Variants in SHISA9 observed in about 807,000 individuals in gnomAD.
SHISA9 encodes the protein protein shisa-9.
Under a neutral mutation model 38.0 loss-of-function variants are expected in SHISA9, and 13 were observed. That is an observed-to-expected ratio of 0.34 (90% CI 0.22 to 0.54). The LOEUF (loss-of-function observed/expected upper bound fraction) is 0.54, where lower values mean the gene tolerates loss of function less well. Among genes scored for constraint, SHISA9 ranks in the 20% least tolerant of loss-of-function variants. The pLI is 0.91. For missense variants in SHISA9, 538 were observed against 575.8 expected, an observed-to-expected ratio of 0.93 and a Z score of 0.67; for synonymous variants, 275 against 242.0, an observed-to-expected ratio of 1.14 and a Z score of -1.27.
At chr16:13,441,146 G>T in the SHISA9 span, among the ~76,000 whole-genome samples, 2 of 152,142 alleles carry the variant, frequency 1.3e-5, no homozygotes, top group African/African-American at 4.8e-5. Context: ...AAAAATACAC[G>T]CAAACTGTGC....
chr16:13,445,146 G>A, the SHISA9 span, among the ~76,000 whole-genome samples: 29 of 151,704 alleles, frequency 1.9e-4, no homozygotes, highest in Admixed American at 1.7e-3. Flanking sequence ...ACAGGTGTGA[G>A]CCACTGCACT....
chr16:13,157,549 C>A (rs1233967140), intron 2 of SHISA9, among the ~76,000 whole-genome samples: 2 of 152,186 alleles, frequency 1.3e-5, no homozygotes, highest in Non-Finnish European at 2.9e-5. Context: ...GGAATTCATA[C>A]ATGGAAAGTA....
chr16:13,020,327 A>G (rs1033778936), intron 2 of SHISA9, among the ~76,000 whole-genome samples: 2 of 151,852 alleles, frequency 1.3e-5, no homozygotes, highest in African/African-American at 2.4e-5. Flanking sequence ...TGCCCAGCCC[A>G]TTAGTTGTTT....
intron 4 of SHISA9, among the ~76,000 whole-genome samples, chr16:13,225,657 C>G (rs1194385381): frequency 2.0e-5 from 3 of 152,108 alleles, no homozygotes; most frequent in African/African-American, 7.2e-5. Context: ...CCTAAGATAT[C>G]TTTGCCTCAA....
intron 2 of SHISA9, among the ~76,000 whole-genome samples, chr16:12,970,497 ATTTTTTTTTTTTTT>A (rs146879130): frequency 8.5e-4 from 15 of 17,584 alleles, no homozygotes; most frequent in South Asian, 3.0e-3. Context: ...ATATATATAT[ATTTTTTTTTTTTTT>A]TTTTTTTTTT....
the SHISA9 span, among the ~76,000 whole-genome samples, chr16:13,441,937 C>G: frequency 2.0e-5 from 3 of 152,298 alleles, no homozygotes; most frequent in Non-Finnish European, 4.4e-5. Flanking sequence ...CAAAACTTTC[C>G]CTTCCAAAAA....
At chr16:12,925,734 G>A (rs560499973) in intron 2 of SHISA9, among the ~76,000 whole-genome samples, 1 of 152,274 alleles carries the variant, frequency 6.6e-6, no homozygotes, top group Non-Finnish European at 1.5e-5. Context: ...CCTTGGACAC[G>A]TTTCTTTTCA....
At chr16:13,062,579 G>T (rs276627) in intron 2 of SHISA9, among the ~76,000 whole-genome samples, 40,689 of 151,906 alleles carry the variant, frequency 0.27, 6,754 homozygotes, top group African/African-American at 0.47. Flanking sequence ...GTTTTGATTA[G>T]TTGAGGGTGT....
intron 2 of SHISA9, among the ~76,000 whole-genome samples, chr16:13,134,715 G>C (rs1384052622): frequency 6.6e-6 from 1 of 152,076 alleles, no homozygotes; most frequent in Non-Finnish European, 1.5e-5. Flanking sequence ...AGGTGTTTCA[G>C]TCAGTCTAGG....
chr16:13,212,559 A>T (rs752696953), intron 3 of SHISA9, among the ~76,000 whole-genome samples: 2 of 152,168 alleles, frequency 1.3e-5, no homozygotes, highest in Non-Finnish European at 2.9e-5. Flanking sequence ...CTGTAAAGCA[A>T]TGTATTACTC....
At chr16:12,922,282 T>C (rs1195403667) in intron 2 of SHISA9, among the ~76,000 whole-genome samples, 1 of 152,262 alleles carries the variant, frequency 6.6e-6, no homozygotes, top group Non-Finnish European at 1.5e-5. Flanking sequence ...TTGAGCAAGT[T>C]ACTACATGGT....
the SHISA9 span, among the ~76,000 whole-genome samples, chr16:13,306,217 A>G: frequency 1.3e-5 from 2 of 152,228 alleles, no homozygotes; most frequent in South Asian, 4.1e-4. Context: ...GGTTATCATA[A>G]TTTGGCAACC....
the SHISA9 span, among the ~76,000 whole-genome samples, chr16:13,315,767 C>T: frequency 1.3e-5 from 2 of 152,104 alleles, no homozygotes; most frequent in Non-Finnish European, 2.9e-5. Flanking sequence ...CAGATGAGAT[C>T]ACTGAAACTG....
the SHISA9 span, among the ~76,000 whole-genome samples, chr16:13,396,120 T>C: frequency 6.6e-6 from 1 of 152,224 alleles, no homozygotes; most frequent in African/African-American, 2.4e-5. Context: ...TGATTTTATG[T>C]TGAGGCCTCA....
At chr16:13,491,817 C>CTTTTTTTTTTTTTTTTTTTTTTTTT in the SHISA9 span, among the ~76,000 whole-genome samples, 1 of 46,892 alleles carries the variant, frequency 2.1e-5, no homozygotes. Context: ...TATTTATTGA[C>CTTTTTTTTTTTTTTTTTTTTTTTTT]CTTTTTTTTT....
chr16:13,188,716 CAAAA>C (rs35558481), intron 2 of SHISA9, among the ~76,000 whole-genome samples: 1 of 79,342 alleles, frequency 1.3e-5, no homozygotes. Flanking sequence ...GACCCTGTTT[CAAAA>C]AAAAAAAAAA....
At chr16:13,242,631 C>T (rs16961504), downstream of SHISA9, among the ~76,000 whole-genome samples, 194 of 152,270 alleles carry the variant, frequency 1.3e-3, no homozygotes, top group African/African-American at 4.6e-3. Context: ...GATTCCAATG[C>T]CAATTTGCCA....
At chr16:13,376,193 C>T in the SHISA9 span, among the ~76,000 whole-genome samples, 1,233 of 152,196 alleles carry the variant, frequency 8.1e-3, 20 homozygotes, top group African/African-American at 0.028. Flanking sequence ...GGCATAAGCA[C>T]GTCATATGGC....
At chr16:12,937,318 A>G (rs907345842) in intron 2 of SHISA9, among the ~76,000 whole-genome samples, 3 of 152,228 alleles carry the variant, frequency 2.0e-5, no homozygotes, top group Admixed American at 2.0e-4. Flanking sequence ...TGAAGCAAAC[A>G]CTAAGTGCCC....
Sources: allele counts gnomAD v4.1 joint callset (sites outside exome capture counted in the v4.1 genomes callset), GRCh38; gene constraint gnomAD v4.1.1; transcripts MANE v1.5; gene names NCBI Gene and HGNC (gene_info 2026-07-23, HGNC 2026-07-21).